The following TACC2 variants were observed in gnomAD, a reference collection of about 807,000 sequenced individuals.
TACC2 encodes the protein transforming acidic coiled-coil-containing protein 2.
In TACC2, 137 loss-of-function variants were observed where a neutral mutation model predicts 227.3. The observed-to-expected ratio is 0.60, with a 90% confidence interval of 0.52 to 0.69. TACC2 has a LOEUF of 0.69. TACC2 is among the 30% of genes least tolerant of loss of function. The probability of loss-of-function intolerance (pLI) is 0.00; values close to 1 mark genes in which losing one functional copy is unlikely to be tolerated. For synonymous variants in TACC2, 1,523 were observed against 1,487.5 expected (o/e 1.02, Z -0.55); for missense variants, 3,470 against 3,694.4 (o/e 0.94, Z 1.57).
chr10:122,142,579 C>T (rs2090766971), intron 6 of TACC2, among the ~76,000 whole-genome samples: 1 of 152,214 alleles, frequency 6.6e-6, no homozygotes, highest in Non-Finnish European at 1.5e-5. Context: ...CCCAGAGGCC[C>T]ACGCACCCTG....
chr10:122,134,660 C>T (rs1010314425), intron 6 of TACC2, among the ~76,000 whole-genome samples: 4 of 152,224 alleles, frequency 2.6e-5, no homozygotes, highest in South Asian at 2.1e-4. Flanking sequence ...TGACCACCAC[C>T]GTTTTAGGAA....
intron 2 of TACC2, among the ~76,000 whole-genome samples, chr10:122,027,021 T>A (rs1958116796): frequency 6.6e-6 from 1 of 152,218 alleles, no homozygotes. Flanking sequence ...TGTTCAGTTT[T>A]GTAAGAAACC....
rs563512603 is a variant in TACC2, at chr10:122,162,221, T to C, written c.5834+18515T>C. Among the ~76,000 whole-genome samples the C allele has an allele frequency of 1.1e-4, 16 of 152,290 alleles. No individual in the cohort carries two copies. The South Asian group carries it at 1.2e-3, about 12-fold the overall frequency. ...CATTCTGTTTGACACTGATACTGAA[T>C]AAGAGCAGTGGAAAGTCAGTCCCCG... On this transcript the variant is annotated intron_variant, in intron 7 of 22. Coordinates refer to ENST00000369005, the MANE Select transcript of TACC2 (RefSeq NM_206862.4).
chr10:122,219,984 G>A (rs1324416043), intron 11 of TACC2, among the ~76,000 whole-genome samples: 1 of 151,304 alleles, frequency 6.6e-6, no homozygotes, highest in Non-Finnish European at 1.5e-5. Context: ...GTTGCAATGA[G>A]CCAAGATCAT....
At chr10:122,131,673 G>A (rs1413317848) in intron 5 of TACC2, among the ~76,000 whole-genome samples, 1 of 152,222 alleles carries the variant, frequency 6.6e-6, no homozygotes, top group Non-Finnish European at 1.5e-5. Context: ...GTGGTAGGAT[G>A]TTGAACCTGT....
At chr10:122,079,688 C>A (rs2079227490) in intron 3 of TACC2, among the ~76,000 whole-genome samples, 1 of 152,156 alleles carries the variant, frequency 6.6e-6, no homozygotes, top group Admixed American at 6.5e-5. Flanking sequence ...GAGGCTCTTG[C>A]CTTCCTTGGA....
chr10:122,113,468 T>C (rs555897876), intron 5 of TACC2, among the ~76,000 whole-genome samples: 2 of 152,294 alleles, frequency 1.3e-5, no homozygotes, highest in East Asian at 1.9e-4. Context: ...CCTGGTTCCC[T>C]TGAGTGGGAG....
chr10:122,123,693 T>G (rs1030414671), intron 5 of TACC2, among the ~76,000 whole-genome samples: 4 of 152,138 alleles, frequency 2.6e-5, no homozygotes, highest in Admixed American at 2.6e-4. Context: ...TTTTCAAAAC[T>G]GATGTGAGCC....
chr10:122,086,419 G>A lies in TACC2; in HGVS notation c.3919G>A (p.Val1307Met). Residue 1307 changes from valine to methionine, a missense_variant, in exon 4 of 23, where the codon GTG becomes ATG. This residue lies in a region of TACC2 where 1,924 missense variants were observed against 1,978.3 expected (regional missense o/e 0.97). Transcript: ENST00000369005. The part of the protein sequence containing the change: ...PGAAGGEIPA[V>M]QASSGSPKAR... ...AGCTGCAGGTGGGGAAATCCCTGCAGTGCAAGCCAGCAGTGGTAGTCCCAA... is the reference window on the plus strand; with the variant it reads ...AGCTGCAGGTGGGGAAATCCCTGCAATGCAAGCCAGCAGTGGTAGTCCCAA... The A allele has an allele frequency of 6.2e-7, 1 of 1,613,742 alleles. No individual in the cohort carries two copies. Among genetic ancestry groups the A allele is most frequent in the South Asian group, 1.1e-5 (1 of 91,068 alleles).
chr10:122,238,509 G>C (rs1447093748), intron 18 of TACC2, among the ~76,000 whole-genome samples: 1 of 152,166 alleles, frequency 6.6e-6, no homozygotes, highest in African/African-American at 2.4e-5. Flanking sequence ...GTGCAGTGGC[G>C]CCACCTCGGC....
At chr10:122,155,222 A>G (rs915747510) in intron 7 of TACC2, among the ~76,000 whole-genome samples, 1 of 151,936 alleles carries the variant, frequency 6.6e-6, no homozygotes, top group Admixed American at 6.6e-5. Flanking sequence ...GCCCTTCTCA[A>G]CCTGCCTCTC....
chr10:122,132,479 A>G (rs2088497269), intron 5 of TACC2, 130 bp from the exon 6 acceptor site: 4 of 1,095,794 alleles, frequency 3.7e-6, no homozygotes, highest in Non-Finnish European at 4.1e-6. Context: ...TACCCTGGAG[A>G]CAGAGTTTGC....
Position 122,087,952 on chromosome 10 carries a change from A to C in TACC2, c.5452A>C (p.Thr1818Pro), listed in dbSNP as rs376248779. Residue 1818 changes from threonine to proline, a missense_variant, in exon 4 of 23, where the codon ACT becomes CCT. By Grantham distance (38) the Thr-to-Pro change is conservative (BLOSUM62 -1). Transcript: ENST00000369005. ...LQHLAPEELH[T>P]DRESPRPGPS... is the part of the protein sequence containing the mutation. Reference sequence around the variant, plus strand: ...ACATTTGGCTCCAGAAGAGCTCCACACTGACAGGTACTTAAATGAAAAAAT... The same window carrying C: ...ACATTTGGCTCCAGAAGAGCTCCACCCTGACAGGTACTTAAATGAAAAAAT... The C allele has an allele frequency of 4.0e-6, 6 of 1,502,206 alleles. No individual in the cohort carries two copies. The African/African-American group carries it at 8.4e-5, about 21-fold the overall frequency. The allele number at this position is 1,502,206 out of a possible 1,614,324, so 93.1% of individuals were successfully genotyped here.
intron 5 of TACC2, among the ~76,000 whole-genome samples, chr10:122,090,833 C>T (rs546333042): frequency 6.6e-5 from 10 of 152,224 alleles, no homozygotes; most frequent in South Asian, 2.1e-4. Flanking sequence ...AATGCAGCCT[C>T]GACCACCCCA....
chr10:122,252,682 A>AG (rs2096274465), intron 22 of TACC2, among the ~76,000 whole-genome samples: 1 of 151,970 alleles, frequency 6.6e-6, no homozygotes, highest in East Asian at 1.9e-4. Flanking sequence ...TAGTAGTGAC[A>AG]GGGTTTCACC....
intron 7 of TACC2, among the ~76,000 whole-genome samples, chr10:122,159,556 A>G (rs1260890944): frequency 6.6e-6 from 1 of 152,148 alleles, no homozygotes; most frequent in African/African-American, 2.4e-5. Flanking sequence ...GTTGTGTGAC[A>G]CGGGGCTGGA....
At chr10:122,095,326 G>C (rs1277100002) in intron 5 of TACC2, among the ~76,000 whole-genome samples, 1 of 152,222 alleles carries the variant, frequency 6.6e-6, no homozygotes, top group Non-Finnish European at 1.5e-5. Flanking sequence ...CTGTGATCCT[G>C]GGGCCATCGC....
intron 7 of TACC2, among the ~76,000 whole-genome samples, chr10:122,173,825 C>T (rs1316721917): frequency 3.3e-5 from 5 of 152,234 alleles, no homozygotes; most frequent in African/African-American, 4.8e-5. Context: ...GCTGAGCCTG[C>T]TATGGAGCAC....
chr10:122,214,695 G>C (rs1020812945), intron 9 of TACC2, among the ~76,000 whole-genome samples: 3 of 152,156 alleles, frequency 2.0e-5, no homozygotes, highest in Admixed American at 2.0e-4. Flanking sequence ...AGTCTGATTT[G>C]GTGGTTTCCT....
Sources: gnomAD v4.1 joint callset for allele counts (sites outside exome capture counted in the v4.1 genomes callset) on GRCh38, gnomAD v4.1.1 for gene constraint, gnomAD v4.1.1 regional missense constraint, MANE v1.5 for transcripts, NCBI Gene and HGNC (gene_info 2026-07-23, HGNC 2026-07-21) for gene names.